The following PAK1 variants were observed in gnomAD, a reference collection of about 807,000 sequenced individuals.
The protein encoded by PAK1 is serine/threonine-protein kinase PAK 1.
PAK1 carries 29 observed loss-of-function variants against 67.4 expected under a neutral mutation model. That is an observed-to-expected ratio of 0.43 (90% CI 0.32 to 0.59). The LOEUF (loss-of-function observed/expected upper bound fraction) is 0.59. Among genes scored for constraint, PAK1 ranks in the 20% least tolerant of loss-of-function variants. The pLI is 0.07. For synonymous variants in PAK1, 223 were observed against 237.4 expected (o/e 0.94, Z 0.56); for missense variants, 337 against 670.7 (o/e 0.50, Z 5.50).
At chr11:77,376,145 GT>G (rs1949055253) in intron 4 of PAK1, among the ~76,000 whole-genome samples, 1 of 152,132 alleles carries the variant, frequency 6.6e-6, no homozygotes, top group Non-Finnish European at 1.5e-5. Flanking sequence ...CGTACTGCTA[GT>G]ATTTTTGAAG....
the PAK1 span, among the ~76,000 whole-genome samples, chr11:77,489,639 C>T: frequency 2.6e-5 from 4 of 152,006 alleles, no homozygotes; most frequent in East Asian, 1.9e-4. Context: ...TTGGTGGAGA[C>T]GGGGTTTCAC....
chr11:77,427,105 T>C (rs776464046), intron 1 of PAK1, among the ~76,000 whole-genome samples: 3 of 152,198 alleles, frequency 2.0e-5, no homozygotes, highest in Non-Finnish European at 4.4e-5. Flanking sequence ...TAGCCTGTGA[T>C]GCTTCCCACA....
Position 77,392,545 on chromosome 11 carries a change from G to C in PAK1, c.-21-4C>G. On this transcript the variant is annotated splice_polypyrimidine_tract_variant and splice_region_variant and intron_variant, in intron 1 of 14. Coordinates refer to ENST00000356341, the MANE Select transcript of PAK1 (RefSeq NM_002576.5). Reference sequence around the variant, plus strand: ...TTGTCACCACCAGCAGCAGCTACTAGAATCAGAAATAAGAACAATATAACT... The same window carrying C: ...TTGTCACCACCAGCAGCAGCTACTACAATCAGAAATAAGAACAATATAACT... 6.4e-7 allele frequency: 1 copy of C among 1,565,336 alleles called. No homozygotes were observed. The highest frequency in any genetic ancestry group is 1.4e-5 in the African/African-American group (1 of 73,050).
At chr11:77,463,172 G>A (rs1204642133) in intron 1 of PAK1, among the ~76,000 whole-genome samples, 1 of 152,016 alleles carries the variant, frequency 6.6e-6, no homozygotes, top group Admixed American at 6.5e-5. Flanking sequence ...AGCAAATAAT[G>A]ATATGAATGC....
At chr11:77,439,643 T>G (rs1185376046) in intron 1 of PAK1, among the ~76,000 whole-genome samples, 1 of 152,230 alleles carries the variant, frequency 6.6e-6, no homozygotes, top group Non-Finnish European at 1.5e-5. Context: ...TCTGGTCCTA[T>G]CCTTTCTCCT....
chr11:77,444,484 G>T (rs183327665), intron 1 of PAK1, among the ~76,000 whole-genome samples: 2 of 152,070 alleles, frequency 1.3e-5, no homozygotes, highest in Non-Finnish European at 2.9e-5. Context: ...ATTCACCCTC[G>T]TTTTCTAATG....
chr11:77,503,220 A>G, the PAK1 span, among the ~76,000 whole-genome samples: 1 of 152,330 alleles, frequency 6.6e-6, no homozygotes, highest in African/African-American at 2.4e-5. Context: ...TCCAAACTGC[A>G]ATGTGTAAAA....
At chr11:77,387,599 T>C (rs1950613587) in intron 2 of PAK1, among the ~76,000 whole-genome samples, 1 of 152,200 alleles carries the variant, frequency 6.6e-6, no homozygotes, top group Non-Finnish European at 1.5e-5. Flanking sequence ...AAACAATAAA[T>C]GAGGTTTCCA....
intron 2 of PAK1, among the ~76,000 whole-genome samples, chr11:77,383,092 T>G (rs1950037010): frequency 6.6e-6 from 1 of 152,208 alleles, no homozygotes; most frequent in Non-Finnish European, 1.5e-5. Flanking sequence ...TGACTTGTCC[T>G]GATTCACAGA....
chr11:77,431,640 C>G (rs116533949), intron 1 of PAK1, among the ~76,000 whole-genome samples: 2 of 152,142 alleles, frequency 1.3e-5, no homozygotes, highest in Non-Finnish European at 2.9e-5. Flanking sequence ...ATCTTTCCCC[C>G]ACTCTGAACC....
At chr11:77,399,879 A>AAAG (rs1952419171) in intron 1 of PAK1, among the ~76,000 whole-genome samples, 2 of 149,836 alleles carry the variant, frequency 1.3e-5, no homozygotes, top group Non-Finnish European at 3.0e-5. Flanking sequence ...AAAAAAAAAA[A>AAAG]AAAAAAAGAA....
Position 77,360,585 on chromosome 11 carries a change from G to A in PAK1, c.478-1568C>T, listed in dbSNP as rs138587710. Among the ~76,000 whole-genome samples, 500 of 152,294 alleles carry A rather than the reference G, an allele frequency of 3.3e-3. 2 individuals are homozygous for A. Among genetic ancestry groups the A allele is most frequent in the Middle Eastern group, 0.014 (4 of 294 alleles). The stretch of plus-strand genomic sequence containing the variant: ...CAGGTAGCCCTGGAGCTCCCCTGAT[G>A]TATACTGTAAACACTAGGTTTGTTT... On this transcript the variant is annotated intron_variant, in intron 5 of 14. Transcript: ENST00000356341.
At chr11:77,497,673 A>C in the PAK1 span, among the ~76,000 whole-genome samples, 2 of 152,182 alleles carry the variant, frequency 1.3e-5, no homozygotes, top group Non-Finnish European at 2.9e-5. Context: ...ACTCAGCAGC[A>C]TGTAGGGAGT....
At chr11:77,385,001 G>C (rs1950278449) in intron 2 of PAK1, among the ~76,000 whole-genome samples, 1 of 152,142 alleles carries the variant, frequency 6.6e-6, no homozygotes, top group African/African-American at 2.4e-5. Flanking sequence ...AAAAGCATTT[G>C]CTGAAATGTG....
chr11:77,460,556 T>TG (rs1327906874), intron 1 of PAK1, among the ~76,000 whole-genome samples: 1 of 151,776 alleles, frequency 6.6e-6, no homozygotes, highest in Non-Finnish European at 1.5e-5. Context: ...GGAGCACTTT[T>TG]TTTTTTTGGT....
intron 1 of PAK1, among the ~76,000 whole-genome samples, chr11:77,411,539 C>T (rs979399680): frequency 6.6e-5 from 10 of 151,972 alleles, no homozygotes; most frequent in African/African-American, 2.4e-4. Context: ...GCGCAGCTTC[C>T]CCTTCACACC....
intron 14 of PAK1, among the ~76,000 whole-genome samples, chr11:77,325,661 T>C (rs1185906524): frequency 6.6e-6 from 1 of 152,190 alleles, no homozygotes; most frequent in Non-Finnish European, 1.5e-5. Flanking sequence ...GTTTCCAGAA[T>C]ACAACTCTCA....
chr11:77,367,717 G>A (rs1156730075), intron 5 of PAK1, among the ~76,000 whole-genome samples: 4 of 152,280 alleles, frequency 2.6e-5, no homozygotes, highest in Admixed American at 2.0e-4. Flanking sequence ...GGTGGCTCAC[G>A]CCTGTAATCC....
chr11:77,414,587 T>A (rs150929342), intron 1 of PAK1, among the ~76,000 whole-genome samples: 1 of 152,166 alleles, frequency 6.6e-6, no homozygotes, highest in Non-Finnish European at 1.5e-5. Flanking sequence ...TAGCCCAAAA[T>A]AGACCCACAC....
Sources: allele counts gnomAD v4.1 joint callset (sites outside exome capture counted in the v4.1 genomes callset), GRCh38; gene constraint gnomAD v4.1.1; transcripts MANE v1.5; gene names NCBI Gene and HGNC (gene_info 2026-07-23, HGNC 2026-07-21).